Variants in APBB2 observed in about 807,000 individuals in gnomAD.
APBB2 encodes Fe65-like 1.
A neutral mutation model predicts 82.5 loss-of-function variants in APBB2; 38 were observed. That is an observed-to-expected ratio of 0.46 (90% confidence interval 0.36 to 0.60). The LOEUF (loss-of-function observed/expected upper bound fraction) is 0.60, where lower values mean the gene tolerates loss of function less well. Ranked by LOEUF, APBB2 falls within the 20% of genes least tolerant of loss-of-function variation. The pLI, the probability that APBB2 is intolerant of heterozygous loss-of-function variation, is 0.00. For synonymous variants in APBB2, 341 were observed against 368.2 expected (o/e 0.93, Z 0.85); for missense variants, 772 against 972.3 (o/e 0.79, Z 2.74).
chr4:40,982,502 C>G (rs776282882), intron 6 of APBB2, among the ~76,000 whole-genome samples: 8 of 150,484 alleles, frequency 5.3e-5, no homozygotes, highest in Non-Finnish European at 1.2e-4. Context: ...GTAGCAAAAC[C>G]AGCTCCCAAT....
At chr4:41,153,839 G>T (rs1293312716) in intron 1 of APBB2, among the ~76,000 whole-genome samples, 1 of 152,094 alleles carries the variant, frequency 6.6e-6, no homozygotes, top group Non-Finnish European at 1.5e-5. Flanking sequence ...ATATTAATTT[G>T]AATTTTATTG....
intron 10 of APBB2, among the ~76,000 whole-genome samples, chr4:40,927,863 T>C (rs1783028105): frequency 6.6e-6 from 1 of 152,156 alleles, no homozygotes. Flanking sequence ...TGAGCGGAGT[T>C]ACACAAAGGA....
At chr4:40,907,368 TA>T (rs2154360660) in intron 10 of APBB2, among the ~76,000 whole-genome samples, 1 of 68,434 alleles carries the variant, frequency 1.5e-5, no homozygotes, top group African/African-American at 9.9e-5. Flanking sequence ...TATATATATA[TA>T]TATATATATA....
At chr4:40,819,961 G>A (rs1560600110) in intron 17 of APBB2, among the ~76,000 whole-genome samples, 2 of 152,166 alleles carry the variant, frequency 1.3e-5, no homozygotes, top group Non-Finnish European at 2.9e-5. Context: ...ACAGGCATGT[G>A]CCACCACGCC....
At chr4:40,970,803 T>C (rs542816126) in intron 6 of APBB2, among the ~76,000 whole-genome samples, 2 of 152,090 alleles carry the variant, frequency 1.3e-5, no homozygotes, top group African/African-American at 2.4e-5. Flanking sequence ...GTTTTAGCAC[T>C]GCAAGTCCCA....
chr4:40,976,295 T>C (rs1797153518), intron 6 of APBB2, among the ~76,000 whole-genome samples: 1 of 152,096 alleles, frequency 6.6e-6, no homozygotes, highest in East Asian at 1.9e-4. Flanking sequence ...CCCAGTTTCA[T>C]AGCAGCGAGT....
intron 4 of APBB2, among the ~76,000 whole-genome samples, chr4:41,047,155 G>A (rs1723731431): frequency 6.6e-6 from 1 of 152,160 alleles, no homozygotes; most frequent in South Asian, 2.1e-4. Flanking sequence ...GGAGTAAGGG[G>A]AATGAGGTAT....
intron 6 of APBB2, among the ~76,000 whole-genome samples, chr4:41,005,978 C>T (rs962279991): frequency 1.3e-5 from 2 of 152,196 alleles, no homozygotes; most frequent in African/African-American, 4.8e-5. Context: ...ACCTTGAATA[C>T]ATCTGCTGTC....
At chr4:41,199,296 G>A (rs1776105487) in intron 1 of APBB2, among the ~76,000 whole-genome samples, 1 of 152,168 alleles carries the variant, frequency 6.6e-6, no homozygotes, top group Admixed American at 6.5e-5. Context: ...TCAGAGTAAG[G>A]AAATGGTTAA....
intron 3 of APBB2, among the ~76,000 whole-genome samples, chr4:41,079,576 G>A (rs1310911254): frequency 6.8e-6 from 1 of 147,416 alleles, no homozygotes. Flanking sequence ...TTGAAATGGA[G>A]TCTCGTTCTG....
intron 1 of APBB2, among the ~76,000 whole-genome samples, chr4:41,182,399 CT>C (rs1412624155): frequency 1.3e-5 from 2 of 152,212 alleles, no homozygotes; most frequent in Non-Finnish European, 2.9e-5. Context: ...CTTGGTTAAT[CT>C]CACAGCTTCA....
intron 6 of APBB2, among the ~76,000 whole-genome samples, chr4:40,967,125 T>G (rs974760191): frequency 6.6e-6 from 1 of 152,092 alleles, no homozygotes; most frequent in African/African-American, 2.4e-5. Flanking sequence ...GTGGGTTTCC[T>G]CTCTGCTGAG....
At chr4:40,905,627 G>C (rs532880837) in intron 10 of APBB2, among the ~76,000 whole-genome samples, 3 of 152,172 alleles carry the variant, frequency 2.0e-5, no homozygotes, top group Non-Finnish European at 4.4e-5. Flanking sequence ...GACTTGCCAC[G>C]AAGCAACCTT....
At chr4:40,866,398 G>A (rs1040603768) in intron 12 of APBB2, among the ~76,000 whole-genome samples, 1 of 152,032 alleles carries the variant, frequency 6.6e-6, no homozygotes, top group African/African-American at 2.4e-5. Context: ...TTAAGCAGGA[G>A]CTTACCCGAT....
intron 6 of APBB2, among the ~76,000 whole-genome samples, chr4:40,997,668 T>TACA (rs1804006639): frequency 6.6e-6 from 1 of 152,238 alleles, no homozygotes; most frequent in Non-Finnish European, 1.5e-5. Flanking sequence ...AGATGTTATT[T>TACA]ACAACCCTTT....
At chr4:41,023,193 G>C (rs1222824626) in intron 5 of APBB2, among the ~76,000 whole-genome samples, 1 of 152,148 alleles carries the variant, frequency 6.6e-6, no homozygotes, top group Non-Finnish European at 1.5e-5. Flanking sequence ...AATCCTATCA[G>C]CTCAAAGCTC....
chr4:41,165,704 T>C (rs923879193), intron 1 of APBB2, among the ~76,000 whole-genome samples: 1 of 151,890 alleles, frequency 6.6e-6, no homozygotes, highest in African/African-American at 2.4e-5. Context: ...TGAAACTCTC[T>C]ACACCTGGGG....
At chr4:41,096,218 C>T (rs1025772204) in intron 3 of APBB2, among the ~76,000 whole-genome samples, 8 of 152,234 alleles carry the variant, frequency 5.3e-5, no homozygotes, top group African/African-American at 1.9e-4. Context: ...GCTTTCACCA[C>T]CAGCTCATGG....
At chr4:40,891,994 C>T (rs1339254926) in intron 11 of APBB2, among the ~76,000 whole-genome samples, 6 of 151,172 alleles carry the variant, frequency 4.0e-5, no homozygotes, top group African/African-American at 1.5e-4. Context: ...CTTTGTCACC[C>T]AGGCTGGAGT....
Sources: allele counts gnomAD v4.1 joint callset (sites outside exome capture counted in the v4.1 genomes callset), GRCh38; gene constraint gnomAD v4.1.1; transcripts MANE v1.5; gene names NCBI Gene and HGNC (gene_info 2026-07-23, HGNC 2026-07-21).